The following CDKAL1 variants were observed in gnomAD, a reference collection of about 807,000 sequenced individuals.
CDKAL1 encodes threonylcarbamoyladenosine tRNA methylthiotransferase.
A neutral mutation model predicts 68.2 loss-of-function variants in CDKAL1; 32 were observed. The ratio of observed to expected loss-of-function variants is 0.47; its 90% CI spans 0.35 to 0.63. The LOEUF is 0.63. Ranked by LOEUF, CDKAL1 falls within the 30% of genes least tolerant of loss-of-function variation. The pLI, the probability that CDKAL1 is intolerant of heterozygous loss-of-function variation, is 0.00. For synonymous variants in CDKAL1, 234 were observed against 244.3 expected (o/e 0.96, Z 0.39); for missense variants, 606 against 696.7 (o/e 0.87, Z 1.47).
intron 15 of CDKAL1, among the ~76,000 whole-genome samples, chr6:21,217,453 C>A (rs1157716081): frequency 6.6e-6 from 1 of 150,998 alleles, no homozygotes; most frequent in South Asian, 2.1e-4. Context: ...CACCACCATA[C>A]CCAGCTAAGT....
At chr6:21,151,368 T>G (rs1168752774) in intron 13 of CDKAL1, among the ~76,000 whole-genome samples, 1 of 152,234 alleles carries the variant, frequency 6.6e-6, no homozygotes, top group African/African-American at 2.4e-5. Context: ...GTTACCTAGC[T>G]CTGGGAAGCA....
At chr6:20,934,314 C>A (rs1048025089) in intron 9 of CDKAL1, among the ~76,000 whole-genome samples, 2 of 152,184 alleles carry the variant, frequency 1.3e-5, no homozygotes, top group African/African-American at 4.8e-5. Context: ...CTTGGTGACA[C>A]TAGACAGTGC....
intron 11 of CDKAL1, among the ~76,000 whole-genome samples, chr6:21,020,507 G>A (rs1319177431): frequency 6.6e-6 from 1 of 151,740 alleles, no homozygotes; most frequent in Non-Finnish European, 1.5e-5. Context: ...CACTCTTATT[G>A]TCCAGGCTGG....
At chr6:20,910,184 A>G (rs1165673819) in intron 9 of CDKAL1, among the ~76,000 whole-genome samples, 1 of 152,180 alleles carries the variant, frequency 6.6e-6, no homozygotes, top group African/African-American at 2.4e-5. Context: ...CTGGTTAAAC[A>G]TAGCTTTCCA....
At chr6:20,582,238 G>A (rs1324489153) in intron 4 of CDKAL1, among the ~76,000 whole-genome samples, 1 of 151,978 alleles carries the variant, frequency 6.6e-6, no homozygotes, top group Non-Finnish European at 1.5e-5. Context: ...TTTGATTCTT[G>A]TCTTTATTTT....
chr6:21,040,256 C>T (rs570451780), intron 11 of CDKAL1, among the ~76,000 whole-genome samples: 2 of 152,224 alleles, frequency 1.3e-5, no homozygotes, highest in East Asian at 3.9e-4. Flanking sequence ...AAGTACACAA[C>T]AGATGGTATT....
At chr6:20,694,192 ACAAACAAG>A (rs75168910) in intron 5 of CDKAL1, among the ~76,000 whole-genome samples, 34 of 150,984 alleles carry the variant, frequency 2.3e-4, no homozygotes, top group Non-Finnish European at 4.1e-4. Flanking sequence ...AAACAAACAA[ACAAACAAG>A]CAAACAAACA....
At chr6:21,181,754 A>G (rs922952738) in intron 13 of CDKAL1, among the ~76,000 whole-genome samples, 2 of 152,206 alleles carry the variant, frequency 1.3e-5, no homozygotes, top group Non-Finnish European at 2.9e-5. Flanking sequence ...AAAGCAGAGA[A>G]CTTTTATATG....
intron 13 of CDKAL1, among the ~76,000 whole-genome samples, chr6:21,133,680 A>G (rs538364304): frequency 6.6e-6 from 1 of 152,238 alleles, no homozygotes; most frequent in Non-Finnish European, 1.5e-5. Flanking sequence ...TACATAATGT[A>G]GCATTAGTTA....
chr6:21,077,575 A>C (rs1228353777), intron 12 of CDKAL1, among the ~76,000 whole-genome samples: 1 of 152,216 alleles, frequency 6.6e-6, no homozygotes, highest in Non-Finnish European at 1.5e-5. Context: ...GCAGAAGGCA[A>C]AGGGGAAGCA....
intron 13 of CDKAL1, among the ~76,000 whole-genome samples, chr6:21,164,324 G>A (rs1777050604): frequency 6.6e-6 from 1 of 151,858 alleles, no homozygotes; most frequent in African/African-American, 2.4e-5. Context: ...CATTTTACTA[G>A]CATTTAGAAT....
chr6:20,926,241 A>C (rs1190709467), intron 9 of CDKAL1, among the ~76,000 whole-genome samples: 2 of 152,106 alleles, frequency 1.3e-5, no homozygotes, highest in Admixed American at 1.3e-4. Flanking sequence ...TTACATAAAG[A>C]ATTTGGACTG....
intron 4 of CDKAL1, among the ~76,000 whole-genome samples, chr6:20,626,893 T>G (rs924043777): frequency 1.3e-5 from 2 of 152,170 alleles, no homozygotes; most frequent in Non-Finnish European, 2.9e-5. Flanking sequence ...TTAAGTCTTA[T>G]GGCCAGACTG....
chr6:20,901,308 C>T (rs1387359908), intron 9 of CDKAL1, among the ~76,000 whole-genome samples: 1 of 151,842 alleles, frequency 6.6e-6, no homozygotes, highest in Non-Finnish European at 1.5e-5. Context: ...AGAAAATGAA[C>T]AAATCTTCAG....
chr6:21,073,200 G>C (rs6918997), intron 12 of CDKAL1, among the ~76,000 whole-genome samples: 13 of 152,226 alleles, frequency 8.5e-5, no homozygotes, highest in South Asian at 2.1e-4. Flanking sequence ...TTGTGTGGAC[G>C]TAACACAATT....
chr6:20,976,040 C>T (rs1026775831), intron 10 of CDKAL1, among the ~76,000 whole-genome samples: 7 of 152,152 alleles, frequency 4.6e-5, no homozygotes, highest in African/African-American at 1.7e-4. Flanking sequence ...TTACCCCTCC[C>T]TTCTTCTAGC....
At chr6:20,909,021 C>T (rs1422825832) in intron 9 of CDKAL1, among the ~76,000 whole-genome samples, 1 of 152,168 alleles carries the variant, frequency 6.6e-6, no homozygotes, top group East Asian at 1.9e-4. Flanking sequence ...GCTGTTCCCC[C>T]TTGGTTGTTG....
At chr6:20,546,253 A>G in intron 2 of CDKAL1, 93 bp from the exon 3 acceptor site, 1 of 957,826 alleles carries the variant, frequency 1.0e-6, no homozygotes, top group African/African-American at 1.6e-5. Context: ...CAAAGGCTTG[A>G]TTAGATTCAA....
intron 9 of CDKAL1, among the ~76,000 whole-genome samples, chr6:20,912,460 T>G (rs1477207245): frequency 6.6e-6 from 1 of 152,134 alleles, no homozygotes; most frequent in East Asian, 1.9e-4. Flanking sequence ...GGGTGAGACA[T>G]GCAAGAGTCT....
Sources: gnomAD v4.1 joint callset for allele counts (sites outside exome capture counted in the v4.1 genomes callset) on GRCh38, gnomAD v4.1.1 for gene constraint, MANE v1.5 for transcripts, NCBI Gene and HGNC (gene_info 2026-07-23, HGNC 2026-07-21) for gene names.